The following DOCK8 variants were observed in gnomAD, a reference collection of about 807,000 sequenced individuals.
DOCK8 encodes the protein dedicator of cytokinesis 8.
In DOCK8, 141 loss-of-function variants were observed where a neutral mutation model predicts 245.6. The ratio of observed to expected loss-of-function variants is 0.57; its 90% CI spans 0.50 to 0.66. The LOEUF is 0.66. Among genes scored for constraint, DOCK8 ranks in the 30% least tolerant of loss-of-function variants. The probability of loss-of-function intolerance (pLI) is 0.00; values close to 1 mark genes in which losing one functional copy is unlikely to be tolerated. For synonymous variants in DOCK8, 1,168 were observed against 970.2 expected (o/e 1.20, Z -3.79); for missense variants, 2,965 against 2,603.4 (o/e 1.14, Z -3.02).
chr9:391,127 C>T (rs1056652768), intron 24 of DOCK8, among the ~76,000 whole-genome samples: 1 of 152,174 alleles, frequency 6.6e-6, no homozygotes, highest in African/African-American at 2.4e-5. Flanking sequence ...ACAGCCTTTT[C>T]CAGATTCTCT....
intron 1 of DOCK8, among the ~76,000 whole-genome samples, chr9:242,100 C>T (rs1426530124): frequency 6.6e-6 from 1 of 152,160 alleles, no homozygotes; most frequent in South Asian, 2.1e-4. Flanking sequence ...GGGCCTTAGA[C>T]GAATCATACA....
intron 2 of DOCK8, chr9:273,158 C>T: frequency 6.3e-6 from 6 of 951,844 alleles, no homozygotes; most frequent in African/African-American, 3.9e-5. Context: ...TGTGTTGCGT[C>T]ATTAATGAAA....
Position 407,016 on chromosome 9 carries a change from C to G in DOCK8, c.3477C>G (p.Leu1159=). 6.2e-7 allele frequency: 1 copy of G among 1,614,158 alleles called. No homozygotes were observed. Among genetic ancestry groups the G allele is most frequent in the African/African-American group, 1.3e-5 (1 of 75,038 alleles). Residue 1159 remains leucine, a synonymous_variant, in exon 28 of 48, where the codon CTC becomes CTG. Coordinates refer to ENST00000432829, the MANE Select transcript of DOCK8 (RefSeq NM_203447.4). ...LTSEYRQQHF[L]TGLLFTELAA... is the part of the protein sequence containing the mutation. Reference sequence around the variant, plus strand: ...CCGAGTACCGCCAGCAGCACTTCCTCACCGGGCTCCTCTTCACAGAACTGG... The same window carrying G: ...CCGAGTACCGCCAGCAGCACTTCCTGACCGGGCTCCTCTTCACAGAACTGG...
intron 14 of DOCK8, among the ~76,000 whole-genome samples, chr9:355,200 T>TC (rs1563957058): frequency 2.0e-4 from 21 of 105,210 alleles, no homozygotes; most frequent in African/African-American, 5.6e-4. Flanking sequence ...TTCTTTTTTT[T>TC]TTTTTTTTTT....
chr9:441,548 A>G, intron 41 of DOCK8, 131 bp downstream of exon 41: 1 of 1,395,102 alleles, frequency 7.2e-7, no homozygotes, highest in Non-Finnish European at 9.9e-7. Flanking sequence ...TCACCTGTCA[A>G]ACAGAAAAGG....
intron 7 of DOCK8, among the ~76,000 whole-genome samples, chr9:320,156 G>A (rs2050527088): frequency 2.1e-5 from 3 of 145,330 alleles, no homozygotes; most frequent in East Asian, 2.0e-4. Context: ...AAACCTGACC[G>A]AACACTCACG....
Position 446,462 on chromosome 9 carries a change from G to A in DOCK8, c.5673G>A (p.Arg1891=). Residue 1891 remains arginine (R), a synonymous_variant, in exon 44 of 48, where the codon CGG becomes CGA. Transcript: ENST00000432829. ...VTYFEKNFNL[R]RFMYTTPFTL... Reference sequence around the variant, plus strand: ...ACTTTGAGAAGAATTTCAACCTCCGGAGGTTCATGTACACCACCCCGTTCA... The same window carrying A: ...ACTTTGAGAAGAATTTCAACCTCCGAAGGTTCATGTACACCACCCCGTTCA... 2 of 1,614,216 alleles carry A rather than the reference G, an allele frequency of 1.2e-6. No individual in the cohort carries two copies. The highest frequency in any genetic ancestry group is 1.7e-6 in the Non-Finnish European group (2 of 1,180,036).
chr9:406,838 C>T (rs939774515), intron 27 of DOCK8, 92 bp from the exon 28 acceptor site: 3 of 1,571,872 alleles, frequency 1.9e-6, no homozygotes, highest in Non-Finnish European at 2.6e-6. Flanking sequence ...GCTCACGAAG[C>T]CTGGCTGGGG....
At chr9:381,850 C>T (rs1402244876) in intron 21 of DOCK8, among the ~76,000 whole-genome samples, 2 of 151,864 alleles carry the variant, frequency 1.3e-5, no homozygotes, top group Non-Finnish European at 2.9e-5. Flanking sequence ...GTCCCAGCTA[C>T]TCGGGAAGCT....
At chr9:391,907 G>C (rs1343683805) in intron 24 of DOCK8, among the ~76,000 whole-genome samples, 2 of 149,966 alleles carry the variant, frequency 1.3e-5, no homozygotes, top group African/African-American at 4.9e-5. Context: ...GGGAGGCTGA[G>C]GCAGGCAGGT....
chr9:234,889 T>C (rs2047209397), intron 1 of DOCK8, among the ~76,000 whole-genome samples: 1 of 152,218 alleles, frequency 6.6e-6, no homozygotes, highest in Non-Finnish European at 1.5e-5. Context: ...AGCCTTCTTC[T>C]CTCAACTCAT....
chr9:390,141 A>G (rs1028163315), intron 23 of DOCK8, among the ~76,000 whole-genome samples: 8 of 152,186 alleles, frequency 5.3e-5, no homozygotes, highest in Admixed American at 5.2e-4. Context: ...GCAGGACCCA[A>G]GAGGAAAGTA....
intron 14 of DOCK8, among the ~76,000 whole-genome samples, chr9:358,651 C>G (rs981339251): frequency 3.8e-5 from 5 of 132,848 alleles, no homozygotes; most frequent in Non-Finnish European, 8.2e-5. Flanking sequence ...GAGTTCAAGA[C>G]AAACCTGGCC....
At chr9:212,482 G>A (rs1050692700), upstream of DOCK8, among the ~76,000 whole-genome samples, 3 of 152,220 alleles carry the variant, frequency 2.0e-5, no homozygotes, top group African/African-American at 4.8e-5. Context: ...GATGGAAAAC[G>A]AAAGAGGCAG....
intron 1 of DOCK8, among the ~76,000 whole-genome samples, chr9:257,559 C>G (rs1407790245): frequency 6.6e-6 from 1 of 152,100 alleles, no homozygotes; most frequent in East Asian, 1.9e-4. Context: ...CTCACTCTGT[C>G]GACAGGCTGG....
intron 1 of DOCK8, among the ~76,000 whole-genome samples, chr9:252,248 C>G (rs980281924): frequency 6.6e-6 from 1 of 151,658 alleles, no homozygotes; most frequent in African/African-American, 2.4e-5. Context: ...GCTGGGATTA[C>G]AAGCGTGAGC....
At chr9:392,018 A>G (rs1306261750) in intron 24 of DOCK8, among the ~76,000 whole-genome samples, 1 of 151,488 alleles carries the variant, frequency 6.6e-6, no homozygotes, top group Non-Finnish European at 1.5e-5. Flanking sequence ...GGTGCCTGTA[A>G]TCCCATCTAC....
chr9:360,086 C>T (rs1317633307), intron 14 of DOCK8, among the ~76,000 whole-genome samples: 12 of 152,044 alleles, frequency 7.9e-5, no homozygotes, highest in Middle Eastern at 3.4e-3. Flanking sequence ...GAGGCCGAGG[C>T]GGGCGGATCA....
chr9:312,442 A>C, intron 6 of DOCK8: 5 of 557,644 alleles, frequency 9.0e-6, no homozygotes, highest in Non-Finnish European at 6.8e-6. Flanking sequence ...TAATCCCCAA[A>C]TGTTTCAAGG....
Sources: allele counts gnomAD v4.1 joint callset (sites outside exome capture counted in the v4.1 genomes callset), GRCh38; gene constraint gnomAD v4.1.1; transcripts MANE v1.5; gene names NCBI Gene and HGNC (gene_info 2026-07-23, HGNC 2026-07-21).